The following TRPM2 variants were observed in gnomAD, a reference collection of about 807,000 sequenced individuals.
TRPM2 encodes the protein transient receptor potential cation channel subfamily M member 2.
In TRPM2, 161 loss-of-function variants were observed where a neutral mutation model predicts 174.0. The ratio of observed to expected loss-of-function variants is 0.93; its 90% CI spans 0.81 to 1.05. The LOEUF is 1.05. TRPM2 is among the 50% of genes least tolerant of loss of function. The pLI, the probability that TRPM2 is intolerant of heterozygous loss-of-function variation, is 0.00. For missense variants in TRPM2, 2,057 were observed against 2,038.0 expected (o/e 1.01, Z -0.18); for synonymous variants, 954 against 861.3 (o/e 1.11, Z -1.88).
chr21:44,440,724 G>C, intron 30 of TRPM2, 65 bp from the exon 31 acceptor site: 1 of 1,402,474 alleles, frequency 7.1e-7, no homozygotes, highest in Non-Finnish European at 1.0e-6. Context: ...TGGAGGGCAC[G>C]AGGTGGGCCG....
In TRPM2 at chr21:44,399,434, G is replaced by C. The variant is rs1386310443; in HGVS notation, c.2201G>C (p.Gly734Ala). ...AKDMKFVSHG[G>A]IQAFLTKVWW... Reference sequence around the variant, plus strand: ...GACATGAAGTTTGTGTCTCACGGGGGCATCCAGGTGACCTCCCAAGAGCCC... The same window carrying C: ...GACATGAAGTTTGTGTCTCACGGGGCCATCCAGGTGACCTCCCAAGAGCCC... The change falls in exon 14 of 32, where the codon GGC (glycine) becomes GCC (alanine). Residue 734 changes from glycine (G) to alanine (A), a missense_variant. Transcript: ENST00000397928. This position sits in a 1 kb window ranked among gnomAD's most constrained non-coding sequence, Gnocchi z 4.6. 3 of 1,610,828 alleles carry C rather than the reference G, an allele frequency of 1.9e-6. No individual in the cohort carries two copies. The highest frequency in any genetic ancestry group is 2.5e-6 in the Non-Finnish European group (3 of 1,178,862).
intron 28 of TRPM2, among the ~76,000 whole-genome samples, chr21:44,435,723 A>G (rs1404343679): frequency 7.6e-6 from 1 of 131,798 alleles, no homozygotes; most frequent in Non-Finnish European, 1.6e-5. Context: ...ATCCACGGGG[A>G]CACAGCCCCA....
intron 5 of TRPM2, among the ~76,000 whole-genome samples, chr21:44,371,565 G>A (rs933042248): frequency 6.6e-6 from 1 of 152,126 alleles, no homozygotes; most frequent in African/African-American, 2.4e-5. Context: ...GGCCTTCTCT[G>A]TGTGCCTGTG....
chr21:44,414,053 A>C lies in TRPM2; in HGVS notation c.3125A>C (p.Asn1042Thr). 1.3e-6 allele frequency: 2 copies of C among 1,598,806 alleles called. No individual in the cohort carries two copies. The highest frequency in any genetic ancestry group is 1.7e-6 in the Non-Finnish European group (2 of 1,173,054). Residue 1042 changes from asparagine (N) to threonine (T), a missense_variant, in exon 20 of 32, where the codon AAC becomes ACC. By Grantham distance (65) the Asn-to-Thr change is moderately conservative. Coordinates refer to ENST00000397928, the MANE Select transcript of TRPM2 (RefSeq NM_003307.4). The part of the protein sequence containing the change: ...YLLFTNILLL[N>T]LLIAMFNYTF... ...CTCTTCACCAACATCCTGCTGCTCAACCTCCTCATCGCCATGTTCAAGTGA... is the reference window on the plus strand; with the variant it reads ...CTCTTCACCAACATCCTGCTGCTCACCCTCCTCATCGCCATGTTCAAGTGA...
chr21:44,401,720 C>T lies in TRPM2; in HGVS notation c.2361C>T (p.Arg787=), dbSNP rs745395387. ...RLQDVGTPAA[R]ARAFFTAPVV... is the part of the protein sequence containing the mutation. ...AGGATGTGGGCACCCCCGCGGCCCG[C>T]GCCCGTGCCTTCTTCACCGCACCCG... The change falls in exon 16 of 32, where the codon CGC becomes CGT. Residue 787 remains arginine (R), a synonymous_variant. Transcript: ENST00000397928. The T allele has an allele frequency of 2.0e-5, 33 of 1,613,250 alleles. No individual in the cohort carries two copies. Among genetic ancestry groups the T allele is most frequent in the East Asian group, 6.7e-5 (3 of 44,888 alleles).
chr21:44,376,984 G>A lies in TRPM2; in HGVS notation c.953-728G>A, dbSNP rs2048721756. On this transcript the variant is annotated intron_variant, in intron 6 of 31. Transcript: ENST00000397928. This position sits in a 1 kb window ranked among gnomAD's most constrained non-coding sequence, Gnocchi z 4.2. ...TAGGAGCACGTTCCCTGGTGAGGAC[G>A]ATGCTGCAGTTCAGGGACCAGGGAC... Among the ~76,000 whole-genome samples the A allele has an allele frequency of 6.6e-6, 1 of 151,598 alleles. No homozygotes were observed. The highest frequency in any genetic ancestry group is 1.5e-5 in the Non-Finnish European group (1 of 67,954).
chr21:44,435,304 G>C (rs2051202398), intron 28 of TRPM2, 87 bp downstream of exon 28: 1 of 1,431,944 alleles, frequency 7.0e-7, no homozygotes, highest in Non-Finnish European at 9.6e-7. Flanking sequence ...CCAGTGCTCA[G>C]GGGCCGGGAG....
upstream of TRPM2, among the ~76,000 whole-genome samples, chr21:44,352,315 C>T (rs978028758): frequency 6.6e-6 from 1 of 152,138 alleles, no homozygotes; most frequent in Non-Finnish European, 1.5e-5. Context: ...TGAGTGTGGC[C>T]AAGGGGCAAA....
At chr21:44,363,178 G>C (rs2048266663) in intron 2 of TRPM2, among the ~76,000 whole-genome samples, 1 of 152,224 alleles carries the variant, frequency 6.6e-6, no homozygotes, top group Non-Finnish European at 1.5e-5. Flanking sequence ...TCAGATTGTA[G>C]CGTGTGTAGG....
intron 20 of TRPM2, chr21:44,415,353 A>C (rs1196798387): frequency 6.6e-6 from 1 of 152,196 alleles, no homozygotes; most frequent in African/African-American, 2.4e-5. Flanking sequence ...ATCTGGGGTT[A>C]TCTGCATGGG....
chr21:44,437,830 T>C (rs1221341101), intron 29 of TRPM2, among the ~76,000 whole-genome samples: 1 of 152,238 alleles, frequency 6.6e-6, no homozygotes, highest in Non-Finnish European at 1.5e-5. Context: ...GCCCGCTCAC[T>C]GCAGGGGATG....
chr21:44,416,559 C>T (rs918078653), intron 20 of TRPM2: 30 of 176,072 alleles, frequency 1.7e-4, no homozygotes, highest in Middle Eastern at 2.4e-3. Context: ...CAGTGCCAGA[C>T]AGTGTCTGTC....
chr21:44,367,078 C>T lies in TRPM2; in HGVS notation c.604+144C>T, dbSNP rs2048385418. On this transcript the variant is annotated intron_variant, in intron 4 of 31. Coordinates refer to ENST00000397928, the MANE Select transcript of TRPM2 (RefSeq NM_003307.4). This position sits in a 1 kb window ranked among gnomAD's most constrained non-coding sequence, Gnocchi z 4.6. ...CCCCAGCCTGAGTCGGACCCATGCA[C>T]CTCTCACCTGGGCACAGCTGCTCCC... 2 of 1,006,540 alleles carry T rather than the reference C, an allele frequency of 2.0e-6. No homozygotes were observed. The highest frequency in any genetic ancestry group is 2.8e-6 in the Non-Finnish European group (2 of 710,086). 62.4% of individuals were successfully genotyped at this position (1,006,540 alleles called of 1,614,324 possible).
chr21:44,377,202 A>G (rs1168299613), intron 6 of TRPM2, among the ~76,000 whole-genome samples: 6 of 152,186 alleles, frequency 3.9e-5, no homozygotes, highest in Admixed American at 1.3e-4. Context: ...GGGGTTGCCA[A>G]GTCCTTCTCA....
At chr21:44,353,980 G>A in intron 1 of TRPM2, 115 bp downstream of exon 1, 10 of 1,304,834 alleles carry the variant, frequency 7.7e-6, no homozygotes, top group Non-Finnish European at 1.0e-5. Flanking sequence ...CTGACCTTGG[G>A]GGCTCCTGCC....
chr21:44,367,086 C>T lies in TRPM2; in HGVS notation c.604+152C>T. The T allele has an allele frequency of 1.1e-6, 1 of 925,344 alleles. No individual in the cohort carries two copies. The highest frequency in any genetic ancestry group is 1.8e-5 in the South Asian group (1 of 55,988). The allele number at this position is 925,344 out of a possible 1,614,324, so 57.3% of individuals were successfully genotyped here. A position where few individuals can be genotyped will look rare whatever the true frequency, so the allele number is the denominator to read the frequency against. On this transcript the variant is annotated intron_variant, in intron 4 of 31. Transcript: ENST00000397928. This position sits in a 1 kb window ranked among gnomAD's most constrained non-coding sequence, Gnocchi z 4.6. ...TGAGTCGGACCCATGCACCTCTCAC[C>T]TGGGCACAGCTGCTCCCTGACGCCC...
intron 19 of TRPM2, among the ~76,000 whole-genome samples, chr21:44,410,675 A>G (rs62218775): frequency 0.026 from 568 of 22,110 alleles, 1 homozygote; most frequent in Middle Eastern, 0.042. Context: ...GCGTAGCCTT[A>G]TAGTAAGTTT....
chr21:44,359,200 G>A (rs565212770), intron 2 of TRPM2, among the ~76,000 whole-genome samples: 6 of 138,818 alleles, frequency 4.3e-5, no homozygotes, highest in East Asian at 2.0e-4. Context: ...TACAGTGTGC[G>A]GATTGGTCCA....
intron 9 of TRPM2, among the ~76,000 whole-genome samples, chr21:44,389,884 T>G (rs1226368854): frequency 6.6e-6 from 1 of 151,426 alleles, no homozygotes; most frequent in Non-Finnish European, 1.5e-5. Context: ...TTTTTTTTTT[T>G]TTTTTTGAGA....
Sources: allele counts gnomAD v4.1 joint callset (sites outside exome capture counted in the v4.1 genomes callset), GRCh38; gene constraint gnomAD v4.1.1; non-coding constraint Gnocchi (gnomAD v3.1); transcripts MANE v1.5; gene names NCBI Gene and HGNC (gene_info 2026-07-23, HGNC 2026-07-21).